The following MYO5B variants were observed in gnomAD, a reference collection of about 807,000 sequenced individuals.
MYO5B encodes myosin VB, also known as unconventional myosin-Vb.
A neutral mutation model predicts 229.3 loss-of-function variants in MYO5B; 143 were observed. The observed-to-expected ratio is 0.62, with a 90% confidence interval of 0.54 to 0.72. The LOEUF is 0.72. MYO5B is among the 30% of genes least tolerant of loss of function. MYO5B has a pLI of 0.00. For synonymous variants in MYO5B, 918 were observed against 885.2 expected (o/e 1.04, Z -0.66); for missense variants, 2,321 against 2,331.0 (o/e 1.00, Z 0.09).
intron 1 of MYO5B, among the ~76,000 whole-genome samples, chr18:50,111,977 G>C (rs190534397): frequency 8.4e-4 from 128 of 152,280 alleles, no homozygotes; most frequent in Admixed American, 1.4e-3. Flanking sequence ...CAAGATCGCT[G>C]TACTAATGGA....
intron 14 of MYO5B, among the ~76,000 whole-genome samples, chr18:49,950,040 A>G (rs1208259978): frequency 6.6e-6 from 1 of 152,190 alleles, no homozygotes; most frequent in Admixed American, 6.5e-5. Context: ...GCCCATCTGC[A>G]GGTTTATGGT....
At chr18:50,152,037 G>A (rs996750376) in intron 1 of MYO5B, among the ~76,000 whole-genome samples, 5 of 152,162 alleles carry the variant, frequency 3.3e-5, no homozygotes, top group Admixed American at 6.5e-5. Context: ...GAGAGATGAC[G>A]GAAATGAATT....
At chr18:49,889,683 C>T (rs1249291211) in intron 22 of MYO5B, among the ~76,000 whole-genome samples, 1 of 152,216 alleles carries the variant, frequency 6.6e-6, no homozygotes, top group Non-Finnish European at 1.5e-5. Context: ...GAGCATCCTA[C>T]ACACAGTCAA....
intron 1 of MYO5B, among the ~76,000 whole-genome samples, chr18:50,139,359 T>C (rs756434904): frequency 3.3e-5 from 5 of 152,266 alleles, no homozygotes; most frequent in Non-Finnish European, 7.3e-5. Context: ...GATCACACTC[T>C]GTCCCAGAGG....
intron 1 of MYO5B, among the ~76,000 whole-genome samples, chr18:50,120,082 G>A (rs922478894): frequency 6.6e-6 from 1 of 152,216 alleles, no homozygotes; most frequent in Non-Finnish European, 1.5e-5. Flanking sequence ...AAAGTGGTGT[G>A]TGCATTTACA....
intron 22 of MYO5B, among the ~76,000 whole-genome samples, chr18:49,881,174 G>T (rs2024581733): frequency 6.6e-6 from 1 of 152,170 alleles, no homozygotes; most frequent in Admixed American, 6.5e-5. Flanking sequence ...AACAGGGATT[G>T]GGTCCACATC....
intron 1 of MYO5B, among the ~76,000 whole-genome samples, chr18:50,176,375 C>G (rs2032996535): frequency 6.6e-6 from 1 of 152,194 alleles, no homozygotes; most frequent in South Asian, 2.1e-4. Flanking sequence ...ATGGTTCACA[C>G]AACTGAAGTT....
At chr18:49,881,757 C>T (rs563533478) in intron 22 of MYO5B, among the ~76,000 whole-genome samples, 2 of 150,104 alleles carry the variant, frequency 1.3e-5, no homozygotes, top group Non-Finnish European at 2.9e-5. Context: ...GAGCCGAGAT[C>T]GCGCCACTGT....
intron 30 of MYO5B, among the ~76,000 whole-genome samples, chr18:49,855,219 C>A (rs190532827): frequency 1.3e-5 from 2 of 152,202 alleles, no homozygotes. Context: ...TTGTGCAGCA[C>A]GTTCACTGTT....
At chr18:50,135,362 A>G (rs931835883) in intron 1 of MYO5B, among the ~76,000 whole-genome samples, 10 of 152,218 alleles carry the variant, frequency 6.6e-5, no homozygotes. Context: ...AAGTGAAAAG[A>G]TATCAATTAT....
At chr18:50,079,046 G>T (rs1469979365) in intron 1 of MYO5B, among the ~76,000 whole-genome samples, 1 of 152,252 alleles carries the variant, frequency 6.6e-6, no homozygotes, top group Non-Finnish European at 1.5e-5. Context: ...GGTGTTAGAA[G>T]TCAGGACAAG....
At chr18:50,106,020 T>C (rs1251865092) in intron 1 of MYO5B, among the ~76,000 whole-genome samples, 1 of 152,078 alleles carries the variant, frequency 6.6e-6, no homozygotes, top group African/African-American at 2.4e-5. Flanking sequence ...ATTCATACTA[T>C]TCAAGCCATA....
intron 1 of MYO5B, among the ~76,000 whole-genome samples, chr18:50,119,253 A>G (rs1335883333): frequency 6.6e-6 from 1 of 152,194 alleles, no homozygotes; most frequent in Admixed American, 6.5e-5. Context: ...TCTATCCCAG[A>G]CGAGGGGCTC....
At chr18:49,863,199 C>T (rs1281823204) in intron 29 of MYO5B, 28 bp downstream of exon 29, 1 of 1,585,230 alleles carries the variant, frequency 6.3e-7, no homozygotes. Flanking sequence ...GCGGCCTCGT[C>T]CAGCACATTT....
chr18:49,865,655 G>A (rs2024387429), intron 27 of MYO5B, among the ~76,000 whole-genome samples: 1 of 152,146 alleles, frequency 6.6e-6, no homozygotes, highest in Non-Finnish European at 1.5e-5. Context: ...GTGGCTTAAG[G>A]GAGTGAGAAC....
chr18:50,178,754 T>A (rs1017884119), intron 1 of MYO5B, among the ~76,000 whole-genome samples: 1 of 152,182 alleles, frequency 6.6e-6, no homozygotes, highest in Non-Finnish European at 1.5e-5. Flanking sequence ...CACATTGCAA[T>A]GTGAGTGCAA....
intron 10 of MYO5B, among the ~76,000 whole-genome samples, chr18:49,973,106 T>G (rs973023948): frequency 6.6e-6 from 1 of 152,094 alleles, no homozygotes. Context: ...GCACGAAGCA[T>G]CCAAACCCTC....
intron 2 of MYO5B, among the ~76,000 whole-genome samples, chr18:50,046,273 T>C (rs770060460): frequency 1.6e-4 from 25 of 152,170 alleles, no homozygotes; most frequent in Non-Finnish European, 3.7e-4. Flanking sequence ...TTAAGAAAGA[T>C]AACCTACATC....
intron 3 of MYO5B, among the ~76,000 whole-genome samples, chr18:50,039,409 G>C (rs1006299307): frequency 2.6e-5 from 4 of 152,212 alleles, no homozygotes; most frequent in African/African-American, 7.2e-5. Context: ...TCGGCTCACT[G>C]CAAGCTCCGA....
Sources: allele counts gnomAD v4.1 joint callset (sites outside exome capture counted in the v4.1 genomes callset), GRCh38; gene constraint gnomAD v4.1.1; transcripts MANE v1.5; gene names NCBI Gene and HGNC (gene_info 2026-07-23, HGNC 2026-07-21).